Variants in ZEB1 observed in about 807,000 individuals in gnomAD.
The protein encoded by ZEB1 is zinc finger E-box-binding homeobox 1.
ZEB1 carries 21 observed loss-of-function variants against 84.9 expected under a neutral mutation model. The ratio of observed to expected loss-of-function variants is 0.25; its 90% confidence interval spans 0.18 to 0.36. The LOEUF (loss-of-function observed/expected upper bound fraction) is 0.36, where lower values mean the gene tolerates loss of function less well. ZEB1 is among the 10% of genes least tolerant of loss of function. The pLI is 1.00. For missense variants in ZEB1, 1,104 were observed against 1,330.2 expected (o/e 0.83, Z 2.65); for synonymous variants, 420 against 471.1 (o/e 0.89, Z 1.41).
In ZEB1 at chr10:31,319,225, C is replaced by G; in HGVS notation, c.-10C>G. 1 of 1,605,552 alleles carries G rather than the reference C, an allele frequency of 6.2e-7. No individual in the cohort carries two copies. Among genetic ancestry groups the G allele is most frequent in the Non-Finnish European group, 8.5e-7 (1 of 1,177,038 alleles). Reference sequence around the variant, plus strand: ...GGTGACTCGAGCATTTAGACACAAGCGAGAGGATCATGGCGGATGGCCCCA... The same window carrying G: ...GGTGACTCGAGCATTTAGACACAAGGGAGAGGATCATGGCGGATGGCCCCA... On this transcript the variant is annotated 5_prime_UTR_variant, in exon 1 of 9. Transcript: ENST00000424869.
chr10:31,462,133 G>T (rs2061889918), intron 2 of ZEB1, among the ~76,000 whole-genome samples: 2 of 152,152 alleles, frequency 1.3e-5, no homozygotes. Flanking sequence ...CTGGAAAAGT[G>T]GGTCAGGCAT....
rs1249510328 is a variant in ZEB1 at position 31,510,739 on chromosome 10, C to T, written c.551C>T (p.Thr184Ile). The change falls in exon 5 of 9, where the codon ACC (threonine) becomes ATC (isoleucine). Residue 184 changes from threonine (T) to isoleucine (I), a missense_variant. Physicochemically the swap from Thr to Ile is moderately conservative, Grantham distance 89. Coordinates refer to ENST00000424869, the MANE Select transcript of ZEB1 (RefSeq NM_001174096.2). ...PYCDRGYKRF[T>I]SLKEHIKYRH... is the part of the protein sequence containing the mutation. Reference sequence around the variant, plus strand: ...TGTGATAGAGGCTATAAACGCTTTACCTCTCTGAAAGAACACATTAAATAT... The same window carrying T: ...TGTGATAGAGGCTATAAACGCTTTATCTCTCTGAAAGAACACATTAAATAT... The T allele has an allele frequency of 1.2e-6, 2 of 1,613,912 alleles. No homozygotes were observed. The highest frequency in any genetic ancestry group is 1.7e-6 in the Non-Finnish European group (2 of 1,179,888).
rs767728746 is a variant in ZEB1 at position 31,521,436 on chromosome 10, A to G, written c.2104A>G (p.Ser702Gly). ...VGSTTNGSRS[S>G]TPSPSPLNLS... ...ATCAACCACCAATGGTTCCAGAAGT[A>G]GTACACCATCCCCATCACCTCTAAA... is the stretch of plus-strand genomic sequence containing the variant. The change falls in exon 7 of 9, where the codon AGT (serine) becomes GGT (glycine). Residue 702 changes from serine (S) to glycine (G), a missense_variant. Ser to Gly is a moderately conservative substitution (Grantham distance 56). Coordinates refer to ENST00000424869, the MANE Select transcript of ZEB1 (RefSeq NM_001174096.2). 2 of 1,613,982 alleles carry G rather than the reference A, an allele frequency of 1.2e-6. No homozygotes were observed. The highest frequency in any genetic ancestry group is 1.7e-5 in the Admixed American group (1 of 59,988).
chr10:31,381,137 C>G (rs2047554820), intron 1 of ZEB1, among the ~76,000 whole-genome samples: 1 of 152,140 alleles, frequency 6.6e-6, no homozygotes, highest in African/African-American at 2.4e-5. Context: ...GTCCACCCGT[C>G]ATCACTAACC....
chr10:31,444,930 G>A (rs2059564622), intron 1 of ZEB1, among the ~76,000 whole-genome samples: 1 of 151,940 alleles, frequency 6.6e-6, no homozygotes, highest in Non-Finnish European at 1.5e-5. Flanking sequence ...CTTTAAAGTA[G>A]TTTTTTTCCA....
chr10:31,326,304 C>A (rs1273106985), intron 1 of ZEB1, among the ~76,000 whole-genome samples: 1 of 152,094 alleles, frequency 6.6e-6, no homozygotes, highest in Non-Finnish European at 1.5e-5. Flanking sequence ...CTGTCAAAAT[C>A]ACTGTATCTC....
chr10:31,490,050 A>C (rs1359768559), intron 2 of ZEB1, among the ~76,000 whole-genome samples: 3 of 151,146 alleles, frequency 2.0e-5, no homozygotes, highest in Non-Finnish European at 1.5e-5. Context: ...TCTGATTATA[A>C]CTCTGTAGTC....
At chr10:31,502,613 A>C in intron 4 of ZEB1, 104 bp downstream of exon 4, 3 of 1,439,028 alleles carry the variant, frequency 2.1e-6, no homozygotes, top group Non-Finnish European at 2.9e-6. Flanking sequence ...ATTCTTGAAG[A>C]CCAAACTTTA....
chr10:31,519,755 G>A (rs900263460), intron 6 of ZEB1, among the ~76,000 whole-genome samples: 1 of 152,078 alleles, frequency 6.6e-6, no homozygotes, highest in African/African-American at 2.4e-5. Flanking sequence ...GTTGAGTAGA[G>A]TAAAATATAG....
chr10:31,347,551 T>C (rs1015551757), intron 1 of ZEB1, among the ~76,000 whole-genome samples: 1 of 152,154 alleles, frequency 6.6e-6, no homozygotes, highest in Non-Finnish European at 1.5e-5. Flanking sequence ...TTATTTAGCA[T>C]ACATTCATGT....
chr10:31,341,400 G>A (rs143108255), intron 1 of ZEB1, among the ~76,000 whole-genome samples: 9 of 152,262 alleles, frequency 5.9e-5, no homozygotes, highest in Non-Finnish European at 8.8e-5. Context: ...TAACTCCAAA[G>A]TTTCTAGCTG....
intron 4 of ZEB1, among the ~76,000 whole-genome samples, chr10:31,506,543 T>C (rs1392326127): frequency 6.6e-6 from 1 of 152,090 alleles, no homozygotes; most frequent in African/African-American, 2.4e-5. Flanking sequence ...TTATACTGTT[T>C]TGTTTACTGG....
At chr10:31,348,482 T>C (rs1590168249) in intron 1 of ZEB1, among the ~76,000 whole-genome samples, 2 of 152,270 alleles carry the variant, frequency 1.3e-5, no homozygotes, top group South Asian at 4.1e-4. Context: ...GAGAATCACT[T>C]GCACCTGGGT....
chr10:31,361,221 T>G, intron 1 of ZEB1: 1 of 1,610,716 alleles, frequency 6.2e-7, no homozygotes, highest in Non-Finnish European at 8.5e-7. Flanking sequence ...CAGGACGCAG[T>G]CTTGCTCTGT....
chr10:31,521,678 T>G lies in ZEB1; in HGVS notation c.2346T>G (p.Ser782Arg), dbSNP rs2072412249. The G allele has an allele frequency of 6.2e-7, 1 of 1,614,008 alleles. No individual in the cohort carries two copies. The highest frequency in any genetic ancestry group is 1.1e-5 in the South Asian group (1 of 91,090). ...CAAAAAAGGAGCCACAAAAGGACAGTTGTGTTACAGACTCAGAACCAGTTG... is the reference window on the plus strand; with the variant it reads ...CAAAAAAGGAGCCACAAAAGGACAGGTGTGTTACAGACTCAGAACCAGTTG... ...SCAKKEPQKD[S>R]CVTDSEPVVN... The change falls in exon 7 of 9, where the codon AGT becomes AGG. Residue 782 changes from serine (S) to arginine (R), a missense_variant. Around this residue, in one of 7 missense-constraint regions of ZEB1, gnomAD observed 531 missense variants for 575.2 expected, o/e 0.92. Coordinates refer to ENST00000424869, the MANE Select transcript of ZEB1 (RefSeq NM_001174096.2).
intron 2 of ZEB1, among the ~76,000 whole-genome samples, chr10:31,464,191 CAGAG>C (rs1412034700): frequency 1.3e-5 from 2 of 151,774 alleles, no homozygotes; most frequent in Non-Finnish European, 2.9e-5. Flanking sequence ...AAATGGAACT[CAGAG>C]AGACACATAG....
At chr10:31,425,446 G>C (rs534650958) in intron 1 of ZEB1, among the ~76,000 whole-genome samples, 1 of 152,080 alleles carries the variant, frequency 6.6e-6, no homozygotes, top group African/African-American at 2.4e-5. Flanking sequence ...AAAAGAACGT[G>C]GTTGGGAAAA....
rs563040901 is a variant in ZEB1, at chr10:31,447,927, T to C, written c.59-13110T>C. 7.2e-5 allele frequency among the ~76,000 whole-genome samples: 11 copies of C among 152,168 alleles called. No individual in the cohort carries two copies. The South Asian group carries it at 1.9e-3, about 26-fold the overall frequency. ...CTTCTTGAGGAGTATCTTTTTGGCGTTCTCTGTATTTCCTGAATCTGAATG... is the reference window on the plus strand; with the variant it reads ...CTTCTTGAGGAGTATCTTTTTGGCGCTCTCTGTATTTCCTGAATCTGAATG... On this transcript the variant is annotated intron_variant, in intron 1 of 8. Coordinates refer to ENST00000424869, the MANE Select transcript of ZEB1 (RefSeq NM_001174096.2).
intron 1 of ZEB1, among the ~76,000 whole-genome samples, chr10:31,332,813 C>T (rs10826936): frequency 6.6e-6 from 1 of 151,954 alleles, no homozygotes; most frequent in Non-Finnish European, 1.5e-5. Context: ...CATCAATTTT[C>T]TAAACATTTC....
Sources: allele counts gnomAD v4.1 joint callset (sites outside exome capture counted in the v4.1 genomes callset), GRCh38; gene constraint gnomAD v4.1.1; regional missense constraint gnomAD v4.1.1; transcripts MANE v1.5; gene names NCBI Gene and HGNC (gene_info 2026-07-23, HGNC 2026-07-21).